The following ISYNA1 variants were observed in gnomAD, a reference collection of about 807,000 sequenced individuals.
ISYNA1 encodes MI-1-P synthase.
Under a neutral mutation model 50.3 loss-of-function variants are expected in ISYNA1, and 34 were observed. That is an observed-to-expected ratio of 0.68 (90% CI 0.51 to 0.90). ISYNA1 has a LOEUF of 0.90. Among genes scored for constraint, ISYNA1 ranks in the 40% least tolerant of loss-of-function variants. ISYNA1 has a pLI of 0.00. For synonymous variants in ISYNA1, 396 were observed against 349.9 expected, an observed-to-expected ratio of 1.13 and a Z score of -1.47; for missense variants, 718 against 784.8, an observed-to-expected ratio of 0.91 and a Z score of 1.02.
chr19:18,437,128 A>G, intron 3 of ISYNA1, 23 bp from the exon 4 acceptor site: 1 of 1,550,162 alleles, frequency 6.5e-7, no homozygotes. Context: ...AGACACGGCG[A>G]GGTGACGGGT....
At position 18,436,897 on chromosome 19, in the gene ISYNA1, C is replaced by T; in HGVS notation, c.416-20G>A. On this transcript the variant is annotated intron_variant, in intron 4 of 10. Transcript: ENST00000338128. Reference sequence around the variant, plus strand: ...CCCAGCCTGGGGGGACCCTCACACTCGGCCCTGCCCGGATCCTGGGCCCCT... The same window carrying T: ...CCCAGCCTGGGGGGACCCTCACACTTGGCCCTGCCCGGATCCTGGGCCCCT... 3 of 1,591,280 alleles carry T rather than the reference C, an allele frequency of 1.9e-6. No individual in the cohort carries two copies. The highest frequency in any genetic ancestry group is 1.7e-6 in the Non-Finnish European group (2 of 1,170,600).
intron 7 of ISYNA1, 37 bp downstream of exon 7, chr19:18,435,995 C>T: frequency 6.2e-7 from 1 of 1,612,662 alleles, no homozygotes; most frequent in Non-Finnish European, 8.5e-7. Flanking sequence ...GGCCCAGGCC[C>T]CCTTCCTGCA....
Position 18,437,119 on chromosome 19 carries a change from G to A in ISYNA1, c.283-14C>T, listed in dbSNP as rs1974089430. 2 of 1,559,756 alleles carry A rather than the reference G, an allele frequency of 1.3e-6. No homozygotes were observed. Among genetic ancestry groups the A allele is most frequent in the Non-Finnish European group, 1.7e-6 (2 of 1,152,736 alleles). ...GTAGTTGGCCTCCTGGGGGTCAGCA[G>A]ACACGGCGAGGTGACGGGTGGGAGT... On this transcript the variant is annotated splice_polypyrimidine_tract_variant and intron_variant, in intron 3 of 10. Transcript: ENST00000338128.
chr19:18,434,732 G>T lies in ISYNA1; in HGVS notation c.*181C>A. ...GGTGATGACCATGGGCAGAGGGGATGGGACTGAAGCTGGGCGCTCAAGAGT... is the reference window on the plus strand; with the variant it reads ...GGTGATGACCATGGGCAGAGGGGATTGGACTGAAGCTGGGCGCTCAAGAGT... On this transcript the variant is annotated 3_prime_UTR_variant, in exon 11 of 11. Transcript: ENST00000338128. 1.6e-6 allele frequency: 1 copy of T among 612,558 alleles called. No homozygotes were observed. The highest frequency in any genetic ancestry group is 2.9e-6 in the Non-Finnish European group (1 of 346,900). 37.9% of individuals were successfully genotyped at this position (612,558 alleles called of 1,614,324 possible). A position where few individuals can be genotyped will look rare whatever the true frequency, so the allele number is the denominator to read the frequency against.
rs759362993 is a variant in ISYNA1, at chr19:18,435,775, G to A, written c.1122C>T (p.Gly374=). 41 of 1,613,210 alleles carry A rather than the reference G, an allele frequency of 2.5e-5. No homozygotes were observed. The highest frequency in any genetic ancestry group is 3.0e-5 in the Non-Finnish European group (35 of 1,179,864). The change falls in exon 8 of 11, where the codon GGC becomes GGT. Residue 374 remains glycine, a synonymous_variant. Transcript: ENST00000338128. ...VQSNPVLYTP[G]EEPDHCVVIK... ...CACGCACGCAGTGGTCAGGCTCTTC[G>A]CCGGGCGTATAGAGCACTGGGTTGC... is the stretch of plus-strand genomic sequence containing the variant.
rs1306354141 is a variant in ISYNA1, at chr19:18,437,612, C to G, written c.269G>C (p.Arg90Pro). Residue 90 changes from arginine (R) to proline (P), a missense_variant, in exon 3 of 11, where the codon CGC becomes CCC. By Grantham distance (103) the Arg-to-Pro change is moderately radical. Coordinates refer to ENST00000338128, the MANE Select transcript of ISYNA1 (RefSeq NM_016368.5). ...ANRLRLSWPT[R>P]SGRKEANYYG... ...TCCCGCCCCCACCTTGCGGCCGCTG[C>G]GCGTGGGCCAGGACAAACGCAGTCG... The G allele has an allele frequency of 6.7e-7, 1 of 1,487,272 alleles. No homozygotes were observed. Among genetic ancestry groups the G allele is most frequent in the South Asian group, 1.3e-5 (1 of 79,368 alleles). The allele number at this position is 1,487,272 out of a possible 1,614,324, so 92.1% of individuals were successfully genotyped here. A position where few individuals can be genotyped will look rare whatever the true frequency, so the allele number is the denominator to read the frequency against.
At position 18,434,893 on chromosome 19, in the gene ISYNA1, G is replaced by A. The variant is rs3185558; in HGVS notation, c.*20C>T. 2.5e-6 allele frequency: 4 copies of A among 1,607,040 alleles called. No individual in the cohort carries two copies. Among genetic ancestry groups the A allele is most frequent in the Non-Finnish European group, 3.4e-6 (4 of 1,175,654 alleles). ...GGGGGCAGCGGGGAGGAAGAGCCGA[G>A]AAACTGTGTGACCGGGGCCTCAGGT... On this transcript the variant is annotated 3_prime_UTR_variant, in exon 11 of 11. Coordinates refer to ENST00000338128, the MANE Select transcript of ISYNA1 (RefSeq NM_016368.5).
At chr19:18,437,431 G>A (rs1463347773) in intron 3 of ISYNA1, 168 bp downstream of exon 3, 2 of 1,120,070 alleles carry the variant, frequency 1.8e-6, no homozygotes, top group East Asian at 3.2e-5. Flanking sequence ...CCCACTACAG[G>A]CCTCCAGACC....
chr19:18,437,893 C>A lies in ISYNA1; in HGVS notation c.87G>T (p.Thr29=), dbSNP rs761683181. The A allele has an allele frequency of 1.9e-5, 30 of 1,611,982 alleles. No individual in the cohort carries two copies. Among genetic ancestry groups the A allele is most frequent in the Non-Finnish European group, 2.5e-5 (30 of 1,179,804 alleles). ...EAIEAQYEYR[T]TRVSREGGVL... is the part of the protein sequence containing the mutation. Reference sequence around the variant, plus strand: ...CGCCACCCTCGCGGCTGACGCGCGTCGTCCGGTACTCGTATTGCGCCTCGA... The same window carrying A: ...CGCCACCCTCGCGGCTGACGCGCGTAGTCCGGTACTCGTATTGCGCCTCGA... The change falls in exon 2 of 11, where the codon ACG becomes ACT. Residue 29 remains threonine, a synonymous_variant. Transcript: ENST00000338128.
In ISYNA1 at chr19:18,434,962, C is replaced by G; in HGVS notation, c.1628G>C (p.Gly543Ala). ...PVPAATNGCT[G>A]DANGHLQEEP... is the part of the protein sequence containing the mutation. ...CTCTTGCAGATGCCCATTGGCATCA[C>G]CGGTGCAGCCATTGGTGGCAGCGGG... The change falls in exon 11 of 11, where the codon GGT becomes GCT. Residue 543 changes from glycine (G) to alanine (A), a missense_variant. Gly to Ala is a moderately conservative substitution (Grantham distance 60). This residue lies in a region of ISYNA1 where 305 missense variants were observed against 292.6 expected (regional missense o/e 1.04). Transcript: ENST00000338128. 6.2e-7 allele frequency: 1 copy of G among 1,613,494 alleles called. No homozygotes were observed. The highest frequency in any genetic ancestry group is 8.5e-7 in the Non-Finnish European group (1 of 1,180,006).
chr19:18,437,724 C>G lies in ISYNA1; in HGVS notation c.157G>C (p.Ala53Pro). ...ACCCCGAGCCGGGGCACCTGCCGGG[C>G]GGTCCGGAAGGTGAAGCGCGTGGAC... ...PTSTRFTFRT[A>P]RQVPRLGVML... is the part of the protein sequence containing the mutation. Residue 53 changes from alanine (A) to proline (P), a missense_variant, in exon 3 of 11, where the codon GCC (alanine) becomes CCC (proline). By Grantham distance (27) the Ala-to-Pro change is conservative. Transcript: ENST00000338128. 8.3e-6 allele frequency: 13 copies of G among 1,565,264 alleles called. No individual in the cohort carries two copies. The highest frequency in any genetic ancestry group is 1.1e-5 in the Non-Finnish European group (13 of 1,158,472).
rs1011614347 is a variant in ISYNA1, at chr19:18,434,842, G to T, written c.*71C>A. On this transcript the variant is annotated 3_prime_UTR_variant, in exon 11 of 11. Coordinates refer to ENST00000338128, the MANE Select transcript of ISYNA1 (RefSeq NM_016368.5). ...GGGCTGAGTGGCAGCGCCTTTATTT[G>T]TGGGGGCCTTCAAGGTAGGGTCGTG... 5.3e-6 allele frequency: 7 copies of T among 1,315,390 alleles called. No individual in the cohort carries two copies. In the African/African-American group the frequency reaches 8.7e-5, roughly 16 times the overall value. The allele number at this position is 1,315,390 out of a possible 1,614,324, so 81.5% of individuals were successfully genotyped here.
rs61743938 is a variant in ISYNA1 at position 18,436,454 on chromosome 19, C to T, written c.635G>A (p.Arg212Gln). The T allele has an allele frequency of 7.5e-3, 12,114 of 1,607,330 alleles. 62 individuals are homozygous for T. The highest frequency in any genetic ancestry group is 0.023 in the African/African-American group (1,748 of 75,002). Residue 212 changes from arginine (R) to glutamine (Q), a missense_variant, in exon 6 of 11, where the codon CGA becomes CAA. Arg to Gln is a conservative substitution (Grantham distance 43, BLOSUM62 1). This residue lies in a region of ISYNA1 where 403 missense variants were observed against 466.6 expected (regional missense o/e 0.86). Transcript: ENST00000338128. ...QQLEQIRRDI[R>Q]DFRSSAGLDK... ...CAGCCCCGCGCTAGACCGGAAGTCT[C>T]GGATGTCCCTGCGGATCTGCTCCAG...
Position 18,434,929 on chromosome 19 carries a change from G to A in ISYNA1, c.1661C>T (p.Pro554Leu). The A allele has an allele frequency of 6.2e-7, 1 of 1,612,872 alleles. No homozygotes were observed. The highest frequency in any genetic ancestry group is 8.5e-7 in the Non-Finnish European group (1 of 1,179,868). The change falls in exon 11 of 11, where the codon CCA (proline) becomes CTA (leucine). Residue 554 changes from proline (P) to leucine (L), a missense_variant. Pro to Leu is a moderately conservative substitution (Grantham distance 98). Transcript: ENST00000338128. ...DANGHLQEEP[P>L]MPTT ...ACCGGGGCCTCAGGTGGTGGGCATT[G>A]GGGGCTCCTCTTGCAGATGCCCATT...
chr19:18,437,408 T>C, intron 3 of ISYNA1, 191 bp downstream of exon 3: 2 of 526,954 alleles, frequency 3.8e-6, no homozygotes, highest in Non-Finnish European at 4.6e-6. Flanking sequence ...CTTCGCCCCC[T>C]GCAGGTCCCT....
chr19:18,437,444 G>T, intron 3 of ISYNA1, 155 bp downstream of exon 3: 1 of 981,652 alleles, frequency 1.0e-6, no homozygotes, highest in South Asian at 2.1e-5. Flanking sequence ...TCCAGACCCG[G>T]GCAGGTCCCT....
chr19:18,434,471 C>T lies in ISYNA1; in HGVS notation c.*442G>A, dbSNP rs1178103799. On this transcript the variant is annotated 3_prime_UTR_variant, in exon 11 of 11. Coordinates refer to ENST00000338128, the MANE Select transcript of ISYNA1 (RefSeq NM_016368.5). Reference sequence around the variant, plus strand: ...CCCTTCCTGCCATTTGTATTTTGTCCCAGAGAGAAAGGCTCTTTGGGGGGC... The same window carrying T: ...CCCTTCCTGCCATTTGTATTTTGTCTCAGAGAGAAAGGCTCTTTGGGGGGC... The T allele has an allele frequency of 2.2e-6, 2 of 926,820 alleles. No homozygotes were observed. The highest frequency in any genetic ancestry group is 3.4e-5 in the African/African-American group (2 of 58,424). The allele number at this position is 926,820 out of a possible 1,614,324, so 57.4% of individuals were successfully genotyped here. A position where few individuals can be genotyped will look rare whatever the true frequency, so the allele number is the denominator to read the frequency against.
chr19:18,436,891 C>T lies in ISYNA1; in HGVS notation c.416-14G>A, dbSNP rs754259197. The T allele has an allele frequency of 6.3e-7, 1 of 1,595,336 alleles. No homozygotes were observed. Among genetic ancestry groups the T allele is most frequent in the Non-Finnish European group, 8.5e-7 (1 of 1,172,790 alleles). ...AGATGTCCCAGCCTGGGGGGACCCT[C>T]ACACTCGGCCCTGCCCGGATCCTGG... On this transcript the variant is annotated splice_polypyrimidine_tract_variant and intron_variant, in intron 4 of 10. Transcript: ENST00000338128.
In ISYNA1 at chr19:18,436,316, G is replaced by A. The variant is rs1349949262; in HGVS notation, c.759+14C>T. On this transcript the variant is annotated intron_variant, in intron 6 of 10. Transcript: ENST00000338128. ...TGGCCCTGCCTGACCCGCTCCACCC[G>A]GGCGTTCGCCCACCTCAATGGTGCG... The A allele has an allele frequency of 1.2e-6, 2 of 1,610,890 alleles. No individual in the cohort carries two copies. Among genetic ancestry groups the A allele is most frequent in the Admixed American group, 1.7e-5 (1 of 59,890 alleles).
Sources: gnomAD v4.1 joint callset for allele counts on GRCh38, gnomAD v4.1.1 for gene constraint, gnomAD v4.1.1 regional missense constraint, MANE v1.5 for transcripts, NCBI Gene and HGNC (gene_info 2026-07-23, HGNC 2026-07-21) for gene names.